Variants in PRDM16 observed in about 807,000 individuals in gnomAD.
The protein encoded by PRDM16 is histone-lysine N-methyltransferase PRDM16.
Under a neutral mutation model 110.6 loss-of-function variants are expected in PRDM16, and 23 were observed. The ratio of observed to expected loss-of-function variants is 0.21; its 90% CI spans 0.15 to 0.29. The LOEUF (loss-of-function observed/expected upper bound fraction) is 0.29. Among genes scored for constraint, PRDM16 ranks in the 10% least tolerant of loss-of-function variants. The probability of loss-of-function intolerance (pLI) is 1.00; values close to 1 mark genes in which losing one functional copy is unlikely to be tolerated. For synonymous variants in PRDM16, 799 were observed against 781.8 expected (o/e 1.02, Z -0.37); for missense variants, 1,615 against 1,794.3 (o/e 0.90, Z 1.81).
rs1423117018 is a variant in PRDM16 at position 3,265,641 on chromosome 1, A to C, written c.438+21504A>C. 1.3e-5 allele frequency among the ~76,000 whole-genome samples: 2 copies of C among 151,938 alleles called. No homozygotes were observed. The highest frequency in any genetic ancestry group is 2.9e-5 in the Non-Finnish European group (2 of 67,974). ...CCCTCTTGGGTCTGGGAGCTCCTAA[A>C]ATTGCAGCCAAGGCCAGCCCTCTTG... On this transcript the variant is annotated intron_variant, in intron 3 of 16. Transcript: ENST00000270722. The surrounding 1 kb of genome is among the most constrained non-coding windows in gnomAD (Gnocchi z 4.5).
intron 3 of PRDM16, among the ~76,000 whole-genome samples, chr1:3,356,028 C>A (rs1028387971): frequency 6.6e-6 from 1 of 152,178 alleles, no homozygotes; most frequent in African/African-American, 2.4e-5. Context: ...GGGGCCCCTC[C>A]GTGACAGGTG....
intron 1 of PRDM16, among the ~76,000 whole-genome samples, chr1:3,159,719 G>A (rs772820127): frequency 3.9e-5 from 6 of 152,304 alleles, no homozygotes; most frequent in East Asian, 1.9e-4. Context: ...GGCCTGATCC[G>A]GACACTGTCC....
chr1:3,322,157 CTG>C (rs371089810), intron 3 of PRDM16, among the ~76,000 whole-genome samples: 24 of 149,320 alleles, frequency 1.6e-4, no homozygotes, highest in Non-Finnish European at 2.2e-4. Flanking sequence ...TGTGAGTGCA[CTG>C]TGTGTGTGTG....
chr1:3,075,841 C>A (rs1412828789), intron 1 of PRDM16, among the ~76,000 whole-genome samples: 1 of 152,220 alleles, frequency 6.6e-6, no homozygotes, highest in Non-Finnish European at 1.5e-5. Context: ...TCAGGCGGAG[C>A]AGTGGGTGCG....
In PRDM16 at chr1:3,411,582, C is replaced by G. The variant is rs1643686675; in HGVS notation, c.1385C>G (p.Pro462Arg). ...TPGGIFAPGL[P>R]LTPSPMMDKA... ...GGCGGCATCTTTGCCCCGGGCCTGCCCTTGACCCCCAGCCCCATGATGGAC... is the reference window on the plus strand; with the variant it reads ...GGCGGCATCTTTGCCCCGGGCCTGCGCTTGACCCCCAGCCCCATGATGGAC... Residue 462 changes from proline (P) to arginine (R), a missense_variant, in exon 9 of 17, where the codon CCC (proline) becomes CGC (arginine). Coordinates refer to ENST00000270722, the MANE Select transcript of PRDM16 (RefSeq NM_022114.4). 6.2e-7 allele frequency: 1 copy of G among 1,613,952 alleles called. No individual in the cohort carries two copies.
intron 3 of PRDM16, among the ~76,000 whole-genome samples, chr1:3,301,332 C>CAAAAA (rs70938084): frequency 9.8e-6 from 1 of 101,874 alleles, no homozygotes; most frequent in African/African-American, 3.8e-5. Context: ...GATCCCATCT[C>CAAAAA]AAAAAAAAAA....
rs1377574236 is a variant in PRDM16, at chr1:3,165,860, GACAGGGACTCACCAGGGCTCAGGC to G, written c.38-20251_38-20228del. Among the ~76,000 whole-genome samples the G allele has an allele frequency of 2.4e-4, 24 of 100,970 alleles. 8 individuals are homozygous for G. Among genetic ancestry groups the G allele is most frequent in the African/African-American group, 1.2e-3 (22 of 18,682 alleles). The allele number at this position is 100,970 out of a possible 152,430, so 66.2% of individuals were successfully genotyped here. On this transcript the variant is annotated intron_variant, in intron 1 of 16. Coordinates refer to ENST00000270722, the MANE Select transcript of PRDM16 (RefSeq NM_022114.4). ...GGACAGGGACTCACCAGGGCTCAGG[GACAGGGACTCACCAGGGCTCAGGC>G]ACAGGGACTCACCTGGGCTCAGGGA...
intron 8 of PRDM16, among the ~76,000 whole-genome samples, chr1:3,409,919 G>T (rs1383570029): frequency 3.1e-5 from 4 of 130,068 alleles, no homozygotes; most frequent in East Asian, 2.4e-4. Flanking sequence ...GGTGTGGTGT[G>T]TGTGTATGTG....
chr1:3,162,679 G>A (rs1287343281), intron 1 of PRDM16, among the ~76,000 whole-genome samples: 1 of 152,254 alleles, frequency 6.6e-6, no homozygotes, highest in African/African-American at 2.4e-5. Context: ...CAGATGAGTG[G>A]TGTGGAAAAC....
chr1:3,130,746 C>T (rs1462854614), intron 1 of PRDM16, among the ~76,000 whole-genome samples: 2 of 151,814 alleles, frequency 1.3e-5, no homozygotes, highest in Admixed American at 1.3e-4. Context: ...TCGCCCTTTT[C>T]CCCCGTGAGC....
intron 8 of PRDM16, among the ~76,000 whole-genome samples, chr1:3,406,185 A>G (rs1413015798): frequency 6.6e-6 from 1 of 152,044 alleles, no homozygotes; most frequent in Non-Finnish European, 1.5e-5. Flanking sequence ...CTCGCACACC[A>G]ATGGGAGGAG....
rs573035639 is a variant in PRDM16, at chr1:3,288,515, T to C, written c.438+44378T>C. Among the ~76,000 whole-genome samples, 40 of 152,252 alleles carry C rather than the reference T, an allele frequency of 2.6e-4. No homozygotes were observed. The South Asian group carries it at 4.4e-3, about 17-fold the overall frequency. On this transcript the variant is annotated intron_variant, in intron 3 of 16. Coordinates refer to ENST00000270722, the MANE Select transcript of PRDM16 (RefSeq NM_022114.4). Reference sequence around the variant, plus strand: ...ACGCTCAGATGTTGAGACCTGAGCCTGTGGCCAGGAGTGGTGGCAAAAGGG... The same window carrying C: ...ACGCTCAGATGTTGAGACCTGAGCCCGTGGCCAGGAGTGGTGGCAAAAGGG...
rs1638754640 is a variant in PRDM16 at position 3,206,432 on chromosome 1, G to A, written c.387+19958G>A. ...GTGACCTCCAGGCAGCTCCGAGACG[G>A]GAAGTGATTGGAGTGTAGGCGTGAG... is the stretch of plus-strand genomic sequence containing the variant. On this transcript the variant is annotated intron_variant, in intron 2 of 16. Transcript: ENST00000270722. The surrounding 1 kb of genome is among the most constrained non-coding windows in gnomAD (Gnocchi z 4.9). 6.6e-6 allele frequency: 1 copy of A among 152,278 alleles called. No individual in the cohort carries two copies. The highest frequency in any genetic ancestry group is 2.1e-4 in the South Asian group (1 of 4,828). 9.4% of individuals were successfully genotyped at this position (152,278 alleles called of 1,614,324 possible). A position where few individuals can be genotyped will look rare whatever the true frequency, so the allele number is the denominator to read the frequency against.
rs140819088 is a variant in PRDM16 at position 3,074,520 on chromosome 1, A to G, written c.37+5224A>G. On this transcript the variant is annotated intron_variant, in intron 1 of 16. Coordinates refer to ENST00000270722, the MANE Select transcript of PRDM16 (RefSeq NM_022114.4). ...TCTGTTCTTAAAAAGCAGGCAGGAC[A>G]TCACGTGCGTCCAGCGTGTAAGTGA... 4.4e-3 allele frequency among the ~76,000 whole-genome samples: 675 copies of G among 152,264 alleles called. 5 individuals are homozygous for G. Among genetic ancestry groups the G allele is most frequent in the African/African-American group, 0.015 (621 of 41,554 alleles).
intron 8 of PRDM16, among the ~76,000 whole-genome samples, chr1:3,408,340 A>G (rs188557977): frequency 1.2e-4 from 18 of 152,294 alleles, no homozygotes; most frequent in Middle Eastern, 3.4e-3. Context: ...GTGTGTGTGC[A>G]TGGGTGTAAG....
chr1:3,239,116 C>G (rs966204861), intron 2 of PRDM16, among the ~76,000 whole-genome samples: 1 of 152,230 alleles, frequency 6.6e-6, no homozygotes, highest in African/African-American at 2.4e-5. Flanking sequence ...GCAGCACCCA[C>G]GGCTTCCATT....
chr1:3,224,305 G>C (rs1639236111), intron 2 of PRDM16, among the ~76,000 whole-genome samples: 1 of 152,206 alleles, frequency 6.6e-6, no homozygotes, highest in Admixed American at 6.5e-5. Flanking sequence ...ACCAGCCAGA[G>C]ATAAATATCA....
chr1:3,408,749 T>C lies in PRDM16; in HGVS notation c.1187-2635T>C, dbSNP rs553602286. Among the ~76,000 whole-genome samples the C allele has an allele frequency of 1.6e-3, 229 of 140,448 alleles. 1 individual carries two copies. The highest frequency in any genetic ancestry group is 6.2e-3 in the African/African-American group (212 of 33,976). The allele number at this position is 140,448 out of a possible 152,430, so 92.1% of individuals were successfully genotyped here. ...GTGTGGGCGCGTGAGCCGGTGCATG[T>C]GTTGGCACACGTGAGAGTGCATGAG... On this transcript the variant is annotated intron_variant, in intron 8 of 16. Coordinates refer to ENST00000270722, the MANE Select transcript of PRDM16 (RefSeq NM_022114.4).
chr1:3,291,587 C>G (rs1640974411), intron 3 of PRDM16, among the ~76,000 whole-genome samples: 1 of 152,090 alleles, frequency 6.6e-6, no homozygotes, highest in Non-Finnish European at 1.5e-5. Flanking sequence ...CCCATCCCCT[C>G]TTGAAGGGGC....
Sources: allele counts gnomAD v4.1 joint callset (sites outside exome capture counted in the v4.1 genomes callset), GRCh38; gene constraint gnomAD v4.1.1; non-coding constraint Gnocchi (gnomAD v3.1); transcripts MANE v1.5; gene names NCBI Gene and HGNC (gene_info 2026-07-23, HGNC 2026-07-21).